The following GALNT9 variants were observed in gnomAD, a reference collection of about 807,000 sequenced individuals.
The protein encoded by GALNT9 is polypeptide N-acetylgalactosaminyltransferase 9, also known as GalNAc transferase 9.
Under a neutral mutation model 63.1 loss-of-function variants are expected in GALNT9, and 47 were observed. That is an observed-to-expected ratio of 0.75 (90% CI 0.59 to 0.95). The LOEUF is 0.95. Among genes scored for constraint, GALNT9 ranks in the 40% least tolerant of loss-of-function variants. GALNT9 has a pLI of 0.00. For synonymous variants in GALNT9, 396 were observed against 365.7 expected, an observed-to-expected ratio of 1.08 and a Z score of -0.94; for missense variants, 829 against 874.8, an observed-to-expected ratio of 0.95 and a Z score of 0.66.
chr12:132,322,068 C>T (rs1262771506), intron 1 of GALNT9, among the ~76,000 whole-genome samples: 1 of 152,168 alleles, frequency 6.6e-6, no homozygotes, highest in African/African-American at 2.4e-5. Flanking sequence ...CCACTAATCC[C>T]CAGTCCTGGC....
In GALNT9 at chr12:132,198,727, G is replaced by C. The variant is rs185707197; in HGVS notation, c.1497+447C>G. ...GATGGAGTGCACTGGTGTGATCTCA[G>C]CTCAACCTCCGCATCCCAGGCTCAG... On this transcript the variant is annotated intron_variant, in intron 9 of 10. Coordinates refer to ENST00000328957, the MANE Select transcript of GALNT9 (RefSeq NM_001122636.2). Among the ~76,000 whole-genome samples, 231 of 152,266 alleles carry C rather than the reference G, an allele frequency of 1.5e-3. 2 individuals are homozygous for C. Among genetic ancestry groups the C allele is most frequent in the African/African-American group, 5.3e-3 (219 of 41,550 alleles).
At chr12:132,269,161 G>A (rs1879770026) in intron 2 of GALNT9, among the ~76,000 whole-genome samples, 1 of 152,244 alleles carries the variant, frequency 6.6e-6, no homozygotes, top group African/African-American at 2.4e-5. Context: ...TGCAGCCAGG[G>A]AGGACCCAGG....
chr12:132,304,445 ACCCTCGCCCGGG>A (rs1566019556), intron 1 of GALNT9, among the ~76,000 whole-genome samples: 4,736 of 42,974 alleles, frequency 0.11, 144 homozygotes, highest in East Asian at 0.28. Flanking sequence ...GCCCGGGCAC[ACCCTCGCCCGGG>A]CACAGCCTCG....
chr12:132,321,141 C>A (rs1219118187), intron 1 of GALNT9, among the ~76,000 whole-genome samples: 2 of 152,186 alleles, frequency 1.3e-5, no homozygotes, highest in East Asian at 3.9e-4. Flanking sequence ...AAGAACTGCC[C>A]CACCTGTGTC....
rs28641840 is a variant in GALNT9, at chr12:132,319,014, G to A, written c.238+9952C>T. Among the ~76,000 whole-genome samples, 8,676 of 152,250 alleles carry A rather than the reference G, an allele frequency of 0.057. 787 individuals are homozygous for A. Among genetic ancestry groups the A allele is most frequent in the African/African-American group, 0.2 (8,132 of 41,526 alleles). On this transcript the variant is annotated intron_variant, in intron 1 of 10. Transcript: ENST00000328957. This position sits in a 1 kb window ranked among gnomAD's most constrained non-coding sequence, Gnocchi z 5.2. ...CAGCTGCACGGGTCCTTTGGACTTC[G>A]GCAGCGACTCTCTGGGAGGGAGGAG... is the stretch of plus-strand genomic sequence containing the variant.
At chr12:132,280,469 C>G (rs1187485471) in intron 2 of GALNT9, 2 of 152,230 alleles carry the variant, frequency 1.3e-5, no homozygotes, top group African/African-American at 4.8e-5. Context: ...CAAGTTCTGC[C>G]GCTGCCCTGT....
intron 1 of GALNT9, among the ~76,000 whole-genome samples, chr12:132,297,387 T>TGA (rs1881113773): frequency 7.0e-6 from 1 of 142,196 alleles, no homozygotes; most frequent in African/African-American, 2.6e-5. Flanking sequence ...CTCACTCCCA[T>TGA]GATAACCAAC....
chr12:132,209,035 C>G (rs1010011791), intron 6 of GALNT9, among the ~76,000 whole-genome samples: 12 of 152,226 alleles, frequency 7.9e-5, no homozygotes, highest in African/African-American at 2.9e-4. Flanking sequence ...CACCCCCGTG[C>G]TACCTGACCA....
chr12:132,240,611 C>A (rs2136898852), intron 6 of GALNT9: 22 of 455,688 alleles, frequency 4.8e-5, no homozygotes, highest in Middle Eastern at 6.5e-4. Context: ...TGCGTGGCCC[C>A]GGGGCTCGGC....
chr12:132,225,997 CCA>C (rs1165966403), intron 6 of GALNT9, among the ~76,000 whole-genome samples: 1 of 143,966 alleles, frequency 6.9e-6, no homozygotes, highest in Non-Finnish European at 1.5e-5. Flanking sequence ...CACATACACC[CCA>C]CACACCCCAC....
chr12:132,239,364 A>C (rs1878134725), intron 6 of GALNT9, among the ~76,000 whole-genome samples: 1 of 151,088 alleles, frequency 6.6e-6, no homozygotes, highest in Admixed American at 6.6e-5. Context: ...AGACAGAGAG[A>C]GAGACACACA....
intron 1 of GALNT9, among the ~76,000 whole-genome samples, chr12:132,288,189 A>T: frequency 6.6e-6 from 1 of 152,136 alleles, no homozygotes; most frequent in East Asian, 1.9e-4. Context: ...GGAAGATTCC[A>T]GTCTGTGACC....
At chr12:132,271,045 C>T (rs1879843573) in intron 2 of GALNT9, among the ~76,000 whole-genome samples, 1 of 152,096 alleles carries the variant, frequency 6.6e-6, no homozygotes, top group South Asian at 2.1e-4. Context: ...AGAGCAGGTG[C>T]CTCAGCTGCC....
Position 132,296,351 on chromosome 12 carries a change from G to T in GALNT9, c.239-9921C>A, listed in dbSNP as rs1285648042. Among the ~76,000 whole-genome samples, 4 of 152,368 alleles carry T rather than the reference G, an allele frequency of 2.6e-5. No homozygotes were observed. Among genetic ancestry groups the T allele is most frequent in the Middle Eastern group, 3.4e-3 (1 of 294 alleles). On this transcript the variant is annotated intron_variant, in intron 1 of 10. Transcript: ENST00000328957. The surrounding 1 kb of genome is among the most constrained non-coding windows in gnomAD (Gnocchi z 4.2). The stretch of plus-strand genomic sequence containing the variant: ...GTCTGTCTGGGATCCAAGAGCAGGA[G>T]ATGCCCACGCTCACCACCCCATCCA...
In GALNT9 at chr12:132,286,607, G is replaced by A. The variant is rs781885718; in HGVS notation, c.239-177C>T. On this transcript the variant is annotated intron_variant, in intron 1 of 10. Coordinates refer to ENST00000328957, the MANE Select transcript of GALNT9 (RefSeq NM_001122636.2). The surrounding 1 kb of genome is among the most constrained non-coding windows in gnomAD (Gnocchi z 7.4). ...CATTCCAGAAAGTGCAAGGCTGTGCGCGGAGTGAGAGGGCGGTGCCAGGCG... is the reference window on the plus strand; with the variant it reads ...CATTCCAGAAAGTGCAAGGCTGTGCACGGAGTGAGAGGGCGGTGCCAGGCG... 177 of 1,142,226 alleles carry A rather than the reference G, an allele frequency of 1.5e-4. No homozygotes were observed. In the South Asian group the frequency reaches 1.8e-3, roughly 12 times the overall value. 70.8% of individuals were successfully genotyped at this position (1,142,226 alleles called of 1,614,324 possible).
intron 1 of GALNT9, among the ~76,000 whole-genome samples, chr12:132,306,683 G>A (rs559946504): frequency 2.2e-4 from 33 of 152,284 alleles, no homozygotes; most frequent in African/African-American, 7.9e-4. Context: ...CAGGGACACC[G>A]CTTGGTTTTG....
At position 132,282,805 on chromosome 12, in the gene GALNT9, A is replaced by G. The variant is rs1456527520; in HGVS notation, c.419+3445T>C. 6.6e-6 allele frequency: 1 copy of G among 152,314 alleles called. No homozygotes were observed. Among genetic ancestry groups the G allele is most frequent in the African/African-American group, 2.4e-5 (1 of 41,452 alleles). The allele number at this position is 152,314 out of a possible 1,614,324, so 9.4% of individuals were successfully genotyped here. ...TTTAGACCTGGGCGGCGGGATCTGC[A>G]GCTGGGCTGAAATGGATCAGAGCGG... On this transcript the variant is annotated intron_variant, in intron 2 of 10. Transcript: ENST00000328957. The surrounding 1 kb of genome is among the most constrained non-coding windows in gnomAD (Gnocchi z 4.5).
chr12:132,240,599 C>T (rs2136898784), intron 6 of GALNT9: 22 of 455,340 alleles, frequency 4.8e-5, no homozygotes, highest in Non-Finnish European at 7.1e-5. Context: ...CTGTGGGCTC[C>T]GTGCGTGGCC....
At chr12:132,240,790 G>T in intron 6 of GALNT9, 2 of 448,950 alleles carry the variant, frequency 4.5e-6, no homozygotes, top group South Asian at 1.6e-5. Flanking sequence ...ATCTATACAT[G>T]TTTACACACA....
Sources: allele counts gnomAD v4.1 joint callset (sites outside exome capture counted in the v4.1 genomes callset), GRCh38; gene constraint gnomAD v4.1.1; non-coding constraint Gnocchi (gnomAD v3.1); transcripts MANE v1.5; gene names NCBI Gene and HGNC (gene_info 2026-07-23, HGNC 2026-07-21).